Variants in CDK14 observed in about 807,000 individuals in gnomAD.
CDK14 encodes cyclin-dependent kinase 14.
Under a neutral mutation model 60.7 loss-of-function variants are expected in CDK14, and 34 were observed. The observed-to-expected ratio is 0.56, with a 90% CI of 0.43 to 0.75. The LOEUF is 0.75. Among genes scored for constraint, CDK14 ranks in the 30% least tolerant of loss-of-function variants. CDK14 has a pLI of 0.00. For synonymous variants in CDK14, 197 were observed against 203.7 expected, an observed-to-expected ratio of 0.97 and a Z score of 0.28; for missense variants, 482 against 564.1, an observed-to-expected ratio of 0.85 and a Z score of 1.47.
chr7:90,645,363 T>C (rs1159142870), intron 2 of CDK14, among the ~76,000 whole-genome samples: 1 of 134,224 alleles, frequency 7.5e-6, no homozygotes, highest in Non-Finnish European at 1.6e-5. Flanking sequence ...ATGATTTCTC[T>C]TTAAATAACC....
intron 5 of CDK14, among the ~76,000 whole-genome samples, chr7:90,834,626 G>A (rs566023045): frequency 1.3e-5 from 2 of 152,150 alleles, no homozygotes; most frequent in Non-Finnish European, 2.9e-5. Flanking sequence ...TTTATAACCT[G>A]GAGATGGGGA....
At chr7:90,963,112 TGTGTGTGTG>T (rs1562847401) in intron 9 of CDK14, among the ~76,000 whole-genome samples, 1 of 151,584 alleles carries the variant, frequency 6.6e-6, no homozygotes, top group Admixed American at 6.6e-5. Flanking sequence ...TGTGTGTGTG[TGTGTGTGTG>T]TGTTTTAATT....
At chr7:90,721,650 A>G (rs1292626161) in intron 2 of CDK14, among the ~76,000 whole-genome samples, 4 of 152,032 alleles carry the variant, frequency 2.6e-5, no homozygotes, top group African/African-American at 9.7e-5. Context: ...TCCTTTCCTT[A>G]CTGGAGAACT....
At chr7:91,081,632 A>T (rs1485240699) in intron 12 of CDK14, among the ~76,000 whole-genome samples, 1 of 152,166 alleles carries the variant, frequency 6.6e-6, no homozygotes, top group Non-Finnish European at 1.5e-5. Context: ...TTGAGAAATG[A>T]ATCCTTAAGT....
At chr7:90,794,595 C>T (rs1021579387) in intron 5 of CDK14, among the ~76,000 whole-genome samples, 12 of 152,194 alleles carry the variant, frequency 7.9e-5, no homozygotes, top group Non-Finnish European at 1.0e-4. Context: ...CTGTTCTGCC[C>T]GGCTGTCAGG....
intron 7 of CDK14, among the ~76,000 whole-genome samples, chr7:90,901,307 A>G (rs937950141): frequency 6.6e-6 from 1 of 152,126 alleles, no homozygotes; most frequent in Non-Finnish European, 1.5e-5. Flanking sequence ...GTGTAGAAAT[A>G]ATGTCACAGA....
intron 2 of CDK14, chr7:90,710,309 T>C: frequency 1.0e-6 from 1 of 985,330 alleles, no homozygotes. Context: ...TTATTACAGC[T>C]GAAAGAGATC....
chr7:90,808,726 C>T (rs1427477190), intron 5 of CDK14, among the ~76,000 whole-genome samples: 3 of 152,136 alleles, frequency 2.0e-5, no homozygotes, highest in Non-Finnish European at 4.4e-5. Context: ...AAACCCATCT[C>T]ATGTGCAGAG....
At chr7:90,661,040 A>G (rs1401203989) in intron 2 of CDK14, among the ~76,000 whole-genome samples, 1 of 152,178 alleles carries the variant, frequency 6.6e-6, no homozygotes, top group Non-Finnish European at 1.5e-5. Flanking sequence ...TTCAACCATG[A>G]CTGCTTGGCT....
chr7:91,164,963 T>C (rs1478135431), intron 14 of CDK14, among the ~76,000 whole-genome samples: 1 of 152,104 alleles, frequency 6.6e-6, no homozygotes, highest in African/African-American at 2.4e-5. Flanking sequence ...CAGATACACA[T>C]AGAGTGAAGG....
chr7:91,160,202 G>T (rs1181273412), intron 14 of CDK14, among the ~76,000 whole-genome samples: 2 of 152,170 alleles, frequency 1.3e-5, no homozygotes, highest in Non-Finnish European at 2.9e-5. Context: ...AGGGAGAAAT[G>T]AATCATCTGA....
chr7:90,626,105 T>C (rs765853043), intron 2 of CDK14, among the ~76,000 whole-genome samples: 13 of 152,178 alleles, frequency 8.5e-5, no homozygotes, highest in Non-Finnish European at 1.5e-4. Flanking sequence ...CTGAGGCGAG[T>C]ATTGGGATTG....
intron 4 of CDK14, among the ~76,000 whole-genome samples, chr7:90,757,390 C>T (rs1274981740): frequency 6.6e-6 from 1 of 151,906 alleles, no homozygotes; most frequent in African/African-American, 2.4e-5. Context: ...TTCTGAGGTG[C>T]TTGGGGTTAG....
intron 4 of CDK14, among the ~76,000 whole-genome samples, chr7:90,779,533 G>A (rs1805219367): frequency 6.6e-6 from 1 of 152,112 alleles, no homozygotes; most frequent in African/African-American, 2.4e-5. Flanking sequence ...TATATAGCGT[G>A]CTGAGATTTT....
intron 2 of CDK14, among the ~76,000 whole-genome samples, chr7:90,717,101 C>A (rs1802275233): frequency 6.6e-6 from 1 of 152,002 alleles, no homozygotes; most frequent in Non-Finnish European, 1.5e-5. Flanking sequence ...AGTAATTCTA[C>A]CCTTGCTATG....
intron 14 of CDK14, among the ~76,000 whole-genome samples, chr7:91,174,614 G>A (rs1801660279): frequency 1.5e-5 from 2 of 136,356 alleles, no homozygotes; most frequent in Non-Finnish European, 3.2e-5. Flanking sequence ...GTGCTTAAAG[G>A]AGCTGATGGA....
Position 90,735,318 on chromosome 7 carries a change from C to G in CDK14, c.369+8506C>G, listed in dbSNP as rs192738786. Among the ~76,000 whole-genome samples, 411 of 152,320 alleles carry G rather than the reference C, an allele frequency of 2.7e-3. 6 individuals carry two copies. The highest frequency in any genetic ancestry group is 2.2e-3 in the Non-Finnish European group (147 of 68,024). On this transcript the variant is annotated intron_variant, in intron 3 of 14. Transcript: ENST00000380050. ...ACCCACTTGAGGAGGCAGTCTGTCCCTTATCAGGGCTTGAACACTGTGCTG... is the reference window on the plus strand; with the variant it reads ...ACCCACTTGAGGAGGCAGTCTGTCCGTTATCAGGGCTTGAACACTGTGCTG...
chr7:90,724,076 G>A (rs113792767), intron 2 of CDK14, among the ~76,000 whole-genome samples: 1 of 150,956 alleles, frequency 6.6e-6, no homozygotes, highest in African/African-American at 2.4e-5. Flanking sequence ...CATTATCTTT[G>A]TGGTAATGTT....
intron 14 of CDK14, among the ~76,000 whole-genome samples, chr7:91,171,020 C>T (rs1801501087): frequency 6.6e-6 from 1 of 151,980 alleles, no homozygotes; most frequent in Non-Finnish European, 1.5e-5. Flanking sequence ...TGGTGATCCA[C>T]CCACCTCAGT....
Sources: allele counts gnomAD v4.1 joint callset (sites outside exome capture counted in the v4.1 genomes callset), GRCh38; gene constraint gnomAD v4.1.1; transcripts MANE v1.5; gene names NCBI Gene and HGNC (gene_info 2026-07-23, HGNC 2026-07-21).